FHOD3: variants seen among roughly 807,000 people sequenced by gnomAD.
FHOD3 encodes FH1/FH2 domain-containing protein 3.
In FHOD3, 90 loss-of-function variants were observed where a neutral mutation model predicts 173.0. The observed-to-expected ratio is 0.52, with a 90% CI of 0.44 to 0.62. The LOEUF (loss-of-function observed/expected upper bound fraction) is 0.62, where lower values mean the gene tolerates loss of function less well. Ranked by LOEUF, FHOD3 falls within the 20% of genes least tolerant of loss-of-function variation. FHOD3 has a pLI of 0.00. For synonymous variants in FHOD3, 828 were observed against 823.0 expected (o/e 1.01, Z -0.10); for missense variants, 1,945 against 2,034.7 (o/e 0.96, Z 0.85).
At position 36,658,167 on chromosome 18, in the gene FHOD3, C is replaced by A. The variant is rs144334799; in HGVS notation, c.1814C>A (p.Pro605Gln). Residue 605 changes from proline (P) to glutamine (Q), a missense_variant, in exon 14 of 29, where the codon CCA becomes CAA. Pro to Gln is a moderately conservative substitution (Grantham distance 76, BLOSUM62 -1). This residue lies in a region of FHOD3 where 1,099 missense variants were observed against 1,051.2 expected (regional missense o/e 1.05). Coordinates refer to ENST00000590592, the MANE Select transcript of FHOD3 (RefSeq NM_001281740.3). The stretch of plus-strand genomic sequence containing the variant: ...ACCCCCACATCATCCGTCTCACCCC[C>A]ACAGGAGGCCAGGTTGGAAAGGTGA... ...PTTPTSSVSP[P>Q]QEARLERSSP... 3 of 1,587,064 alleles carry A rather than the reference C, an allele frequency of 1.9e-6. No homozygotes were observed. Among genetic ancestry groups the A allele is most frequent in the Non-Finnish European group, 2.6e-6 (3 of 1,169,500 alleles).
intron 3 of FHOD3, among the ~76,000 whole-genome samples, chr18:36,447,051 C>T (rs1260904158): frequency 3.3e-5 from 5 of 152,202 alleles, no homozygotes; most frequent in South Asian, 2.1e-4. Flanking sequence ...AATGGCACCT[C>T]GGCAACTCCT....
At chr18:36,689,141 A>G (rs752924601) in intron 16 of FHOD3, among the ~76,000 whole-genome samples, 7 of 152,212 alleles carry the variant, frequency 4.6e-5, no homozygotes, top group Non-Finnish European at 8.8e-5. Flanking sequence ...GATGGGAGTT[A>G]GGGGAAATAT....
At chr18:36,550,038 C>T (rs549231407) in intron 5 of FHOD3, among the ~76,000 whole-genome samples, 175 of 151,630 alleles carry the variant, frequency 1.2e-3, no homozygotes, top group African/African-American at 4.1e-3. Flanking sequence ...ACAACTGTTC[C>T]AGCACCAACT....
At chr18:36,538,318 A>T (rs947867969) in intron 5 of FHOD3, among the ~76,000 whole-genome samples, 8 of 152,240 alleles carry the variant, frequency 5.3e-5, no homozygotes, top group Admixed American at 4.6e-4. Context: ...AAAAGGGAAT[A>T]ATCAAGATAA....
chr18:36,717,307 T>A (rs2040512817), intron 18 of FHOD3, among the ~76,000 whole-genome samples: 1 of 152,142 alleles, frequency 6.6e-6, no homozygotes, highest in African/African-American at 2.4e-5. Context: ...TTCAGCCCCC[T>A]GGAGACTAGG....
intron 23 of FHOD3, 63 bp from the exon 24 acceptor site, chr18:36,746,882 C>G (rs532569873): frequency 1.5e-6 from 2 of 1,316,266 alleles, no homozygotes; most frequent in South Asian, 1.6e-5. Context: ...GCAGTTTTGT[C>G]TCTCAGTTCA....
At chr18:36,299,465 T>G (rs1236156092) in intron 1 of FHOD3, among the ~76,000 whole-genome samples, 1 of 152,242 alleles carries the variant, frequency 6.6e-6, no homozygotes, top group Non-Finnish European at 1.5e-5. Flanking sequence ...CACTACGGTC[T>G]CTGATTACAG....
intron 3 of FHOD3, among the ~76,000 whole-genome samples, chr18:36,393,208 G>A (rs150724689): frequency 0.011 from 1,627 of 152,324 alleles, 14 homozygotes; most frequent in South Asian, 0.041. Context: ...TTAAACAAAC[G>A]TAATGGCGAA....
chr18:36,698,668 A>C (rs1272546931), intron 17 of FHOD3, among the ~76,000 whole-genome samples: 1 of 152,220 alleles, frequency 6.6e-6, no homozygotes. Flanking sequence ...GTCAAGAGCT[A>C]TGAAGGAACT....
chr18:36,702,985 T>C (rs887409711), intron 17 of FHOD3, among the ~76,000 whole-genome samples: 1 of 152,196 alleles, frequency 6.6e-6, no homozygotes, highest in Non-Finnish European at 1.5e-5. Flanking sequence ...TGAGCTCTGC[T>C]TAGCAGTGAG....
intron 4 of FHOD3, among the ~76,000 whole-genome samples, chr18:36,509,984 G>A (rs1485640800): frequency 6.6e-6 from 1 of 152,198 alleles, no homozygotes; most frequent in Non-Finnish European, 1.5e-5. Context: ...ATGCATGGGG[G>A]ATTAACTGGA....
chr18:36,634,379 T>G (rs1227904125), intron 10 of FHOD3, among the ~76,000 whole-genome samples: 1 of 152,124 alleles, frequency 6.6e-6, no homozygotes, highest in African/African-American at 2.4e-5. Context: ...GAGGTGTGTT[T>G]ACATGCCTAA....
intron 5 of FHOD3, among the ~76,000 whole-genome samples, chr18:36,551,833 T>C (rs777491838): frequency 2.6e-5 from 4 of 152,224 alleles, no homozygotes; most frequent in Non-Finnish European, 4.4e-5. Flanking sequence ...TTCTGAGGGC[T>C]CTGTTCTCTT....
intron 3 of FHOD3, among the ~76,000 whole-genome samples, chr18:36,467,753 T>A (rs1367883428): frequency 1.3e-5 from 2 of 152,248 alleles, no homozygotes; most frequent in Non-Finnish European, 2.9e-5. Flanking sequence ...TGCTTAGGGC[T>A]GGCCTTTGCA....
chr18:36,552,129 G>A (rs552598856), intron 5 of FHOD3, among the ~76,000 whole-genome samples: 1 of 152,308 alleles, frequency 6.6e-6, no homozygotes, highest in Admixed American at 6.5e-5. Flanking sequence ...CTATCCATGA[G>A]CATGGAATGT....
chr18:36,468,221 C>T (rs1206969722), intron 3 of FHOD3, among the ~76,000 whole-genome samples: 3 of 152,210 alleles, frequency 2.0e-5, no homozygotes, highest in African/African-American at 7.2e-5. Flanking sequence ...GTGCCTTCCA[C>T]CTTAATGACT....
Position 36,297,784 on chromosome 18 carries a change from G to A in FHOD3, c.-52G>A. ...TGCGCGCAGCTACCCGGGCGTCCCG[G>A]CCCGCGGCCCCGCTAACCCCGGGGC... On this transcript the variant is annotated 5_prime_UTR_variant, in exon 1 of 29. Transcript: ENST00000590592. 6.9e-7 allele frequency: 1 copy of A among 1,446,362 alleles called. No individual in the cohort carries two copies. The highest frequency in any genetic ancestry group is 9.1e-7 in the Non-Finnish European group (1 of 1,093,002). 89.6% of individuals were successfully genotyped at this position (1,446,362 alleles called of 1,614,324 possible). A position where few individuals can be genotyped will look rare whatever the true frequency, so the allele number is the denominator to read the frequency against.
chr18:36,313,993 C>T (rs1302666544), intron 1 of FHOD3, among the ~76,000 whole-genome samples: 1 of 152,114 alleles, frequency 6.6e-6, no homozygotes, highest in East Asian at 1.9e-4. Context: ...AGTGATCCTC[C>T]AGCCTCAGTC....
At chr18:36,571,564 C>G (rs913626368) in intron 5 of FHOD3, among the ~76,000 whole-genome samples, 2 of 152,106 alleles carry the variant, frequency 1.3e-5, no homozygotes, top group Non-Finnish European at 2.9e-5. Flanking sequence ...AATGGCTGAA[C>G]CAATTTTGAA....
Sources: allele counts gnomAD v4.1 joint callset (sites outside exome capture counted in the v4.1 genomes callset), GRCh38; gene constraint gnomAD v4.1.1; regional missense constraint gnomAD v4.1.1; transcripts MANE v1.5; gene names NCBI Gene and HGNC (gene_info 2026-07-23, HGNC 2026-07-21).